RANBP2: variants seen among roughly 807,000 people sequenced by gnomAD.
RANBP2 encodes E3 SUMO-protein ligase RanBP2.
RANBP2 carries 57 observed loss-of-function variants against 303.6 expected under a neutral mutation model. The ratio of observed to expected loss-of-function variants is 0.19; its 90% CI spans 0.15 to 0.23. The LOEUF is 0.23. Ranked by LOEUF, RANBP2 falls within the 10% of genes least tolerant of loss-of-function variation. The pLI is 1.00. For synonymous variants in RANBP2, 1,167 were observed against 1,301.5 expected (o/e 0.90, Z 2.23); for missense variants, 3,138 against 3,780.8 (o/e 0.83, Z 4.46).
the RANBP2 span, among the ~76,000 whole-genome samples, chr2:108,807,198 T>C: frequency 2.0e-5 from 3 of 152,224 alleles, no homozygotes; most frequent in Non-Finnish European, 4.4e-5. Context: ...GCAATGACTT[T>C]AAAATAATGA....
chr2:109,176,801 T>C, the RANBP2 span, among the ~76,000 whole-genome samples: 1 of 152,184 alleles, frequency 6.6e-6, no homozygotes, highest in Non-Finnish European at 1.5e-5. Flanking sequence ...GAAGTTAGGC[T>C]CAGCCGTGAA....
At chr2:109,244,254 C>T in the RANBP2 span, among the ~76,000 whole-genome samples, 1 of 152,124 alleles carries the variant, frequency 6.6e-6, no homozygotes, top group Non-Finnish European at 1.5e-5. Context: ...ATTTAAGAAG[C>T]ACACAGGAGG....
chr2:109,096,584 A>C, the RANBP2 span, among the ~76,000 whole-genome samples: 1 of 152,198 alleles, frequency 6.6e-6, no homozygotes, highest in Non-Finnish European at 1.5e-5. Flanking sequence ...TTTGGAGATT[A>C]TGACATTAGA....
At chr2:109,065,636 G>C in the RANBP2 span, among the ~76,000 whole-genome samples, 1 of 152,212 alleles carries the variant, frequency 6.6e-6, no homozygotes, top group Non-Finnish European at 1.5e-5. Context: ...TGTAGTGGCT[G>C]TTTAAAGATC....
the RANBP2 span, among the ~76,000 whole-genome samples, chr2:108,974,487 T>C: frequency 6.6e-6 from 1 of 151,862 alleles, no homozygotes; most frequent in African/African-American, 2.4e-5. Flanking sequence ...ATCCCAGCAC[T>C]TTGGGAGGCC....
the RANBP2 span, among the ~76,000 whole-genome samples, chr2:109,582,078 ACACACACAC>A: frequency 7.0e-5 from 1 of 14,216 alleles, no homozygotes; most frequent in Non-Finnish European, 1.5e-4. Context: ...TACAACAGAC[ACACACACAC>A]ACACACACAC....
At chr2:109,272,465 G>T in the RANBP2 span, among the ~76,000 whole-genome samples, 1 of 152,230 alleles carries the variant, frequency 6.6e-6, no homozygotes, top group Non-Finnish European at 1.5e-5. Context: ...TGCTTTCCTG[G>T]TGTGTGGGAC....
At chr2:109,096,934 C>G in the RANBP2 span, among the ~76,000 whole-genome samples, 5 of 152,028 alleles carry the variant, frequency 3.3e-5, no homozygotes, top group Admixed American at 2.0e-4. Context: ...AAGAAGACAG[C>G]TTTGACTCCC....
the RANBP2 span, among the ~76,000 whole-genome samples, chr2:109,644,690 G>C: frequency 1.8e-3 from 273 of 152,174 alleles, 12 homozygotes; most frequent in East Asian, 0.049. Context: ...CTGTTTTCCC[G>C]GGCAGTCACA....
At chr2:108,759,671 C>T (rs1473638321) in intron 18 of RANBP2, among the ~76,000 whole-genome samples, 4 of 151,564 alleles carry the variant, frequency 2.6e-5, no homozygotes, top group African/African-American at 4.9e-5. Context: ...TGTCATAAGT[C>T]ATAGATAAGT....
chr2:109,160,928 G>A, the RANBP2 span, among the ~76,000 whole-genome samples: 3 of 152,288 alleles, frequency 2.0e-5, no homozygotes, highest in South Asian at 2.1e-4. Context: ...GAGGATTAGA[G>A]CCTCAACCAG....
chr2:109,432,023 G>A, the RANBP2 span, among the ~76,000 whole-genome samples: 1 of 152,162 alleles, frequency 6.6e-6, no homozygotes, highest in Non-Finnish European at 1.5e-5. Flanking sequence ...GGAAAACCAG[G>A]CCAGGTTATA....
At chr2:109,169,879 C>A in the RANBP2 span, among the ~76,000 whole-genome samples, 1 of 152,034 alleles carries the variant, frequency 6.6e-6, no homozygotes, top group African/African-American at 2.4e-5. Flanking sequence ...ATGCTCCCTC[C>A]CACTGGCACC....
the RANBP2 span, among the ~76,000 whole-genome samples, chr2:109,190,777 T>C: frequency 0.82 from 124,340 of 151,972 alleles, 51,001 homozygotes; most frequent in East Asian, 0.89. Flanking sequence ...ATGGGATCAC[T>C]CATAGGTGTT....
chr2:109,190,108 T>C, the RANBP2 span, among the ~76,000 whole-genome samples: 1 of 152,268 alleles, frequency 6.6e-6, no homozygotes. Context: ...GGGATGATTC[T>C]GTGTAGGTGA....
the RANBP2 span, among the ~76,000 whole-genome samples, chr2:109,422,926 A>C: frequency 2.4e-4 from 37 of 152,070 alleles, no homozygotes; most frequent in South Asian, 7.7e-3. Context: ...GAGGTGGAGG[A>C]GGAGGACGAA....
At chr2:109,346,138 G>C in the RANBP2 span, among the ~76,000 whole-genome samples, 13 of 152,084 alleles carry the variant, frequency 8.5e-5, no homozygotes, top group African/African-American at 3.1e-4. Flanking sequence ...TATTGTGCTC[G>C]CACTACAAAG....
rs749220023 is a variant in RANBP2 at position 108,765,277 on chromosome 2, G to A, written c.4738G>A (p.Ala1580Thr). Residue 1580 changes from alanine (A) to threonine (T), a missense_variant, in exon 20 of 29, where the codon GCT (alanine) becomes ACT (threonine). Coordinates refer to ENST00000283195, the MANE Select transcript of RANBP2 (RefSeq NM_006267.5). ...ACCAAGTCCATCTACTTCTGTTCCA[G>A]CTCCTGCCTCTTTTAAGTTTGGTAC... Reference protein sequence around the residue: ...DKPSPSTSVPAPASFKFGTSE... With the variant: ...DKPSPSTSVPTPASFKFGTSE... 8 of 1,613,294 alleles carry A rather than the reference G, an allele frequency of 5.0e-6. No individual in the cohort carries two copies. Among genetic ancestry groups the A allele is most frequent in the Non-Finnish European group, 6.8e-6 (8 of 1,179,820 alleles).
At chr2:109,672,320 G>C in the RANBP2 span, among the ~76,000 whole-genome samples, 1 of 152,196 alleles carries the variant, frequency 6.6e-6, no homozygotes, top group Admixed American at 6.5e-5. Context: ...AAGAGGCAGG[G>C]TGGGTAATAA....
Sources: gnomAD v4.1 joint callset for allele counts (sites outside exome capture counted in the v4.1 genomes callset) on GRCh38, gnomAD v4.1.1 for gene constraint, MANE v1.5 for transcripts, NCBI Gene and HGNC (gene_info 2026-07-23, HGNC 2026-07-21) for gene names.